The following NUP62CL variants were observed in gnomAD, a reference collection of about 807,000 sequenced individuals.
The protein encoded by NUP62CL is nucleoporin-62 C-terminal-like protein.
Under a neutral mutation model 15.3 loss-of-function variants are expected in NUP62CL, and 13 were observed. The ratio of observed to expected loss-of-function variants is 0.85; its 90% confidence interval spans 0.55 to 1.35. The LOEUF (loss-of-function observed/expected upper bound fraction) is 1.35. Among genes scored for constraint, NUP62CL ranks in the 40% most tolerant of loss-of-function variants. The pLI is 0.00. For missense variants in NUP62CL, 123 were observed against 130.6 expected, an observed-to-expected ratio of 0.94 and a Z score of 0.28; for synonymous variants, 54 against 49.2, an observed-to-expected ratio of 1.10 and a Z score of -0.41.
intron 4 of NUP62CL, among the ~76,000 whole-genome samples, chrX:107,167,279 T>G (rs1276930463): frequency 8.9e-6 from 1 of 111,943 alleles, no homozygotes; most frequent in Non-Finnish European, 1.9e-5. Flanking sequence ...TATATGCTCT[T>G]GTTTTCTCAC....
intron 8 of NUP62CL, among the ~76,000 whole-genome samples, chrX:107,142,812 C>T (rs761805275): frequency 8.9e-6 from 1 of 111,906 alleles, no homozygotes; most frequent in East Asian, 2.8e-4. Flanking sequence ...CAATGACTAC[C>T]AACTCAGAAG....
intron 2 of NUP62CL, among the ~76,000 whole-genome samples, chrX:107,187,644 C>G (rs1356302914): frequency 8.9e-6 from 1 of 112,628 alleles, no homozygotes; most frequent in Non-Finnish European, 1.9e-5. Context: ...GTGATCCGCC[C>G]GCCTAGGCCT....
chrX:107,153,944 G>C lies in NUP62CL; in HGVS notation c.345+152C>G, dbSNP rs763345270. ...GCTGTAATTGCACCACTGTGCTCCAGCCTAGGTGATAGAGCAAGACCCTGT... is the reference window on the plus strand; with the variant it reads ...GCTGTAATTGCACCACTGTGCTCCACCCTAGGTGATAGAGCAAGACCCTGT... On this transcript the variant is annotated intron_variant, in intron 5 of 8. Coordinates refer to ENST00000372466, the MANE Select transcript of NUP62CL (RefSeq NM_017681.3). The C allele has an allele frequency of 1.3e-5, 6 of 476,730 alleles. No homozygotes were observed. The East Asian group carries it at 1.9e-4, about 15-fold the overall frequency. 39.3% of individuals were successfully genotyped at this position (476,730 alleles called of 1,213,427 possible).
At position 107,170,156 on chromosome X, in the gene NUP62CL, GA is replaced by G. The variant is rs369898411; in HGVS notation, c.59-2373del. ...TGTCTCAAAAAAAATAAAAGAAAAA[GA>G]AAAAAAAAAAAGATGTGTACTTAAG... On this transcript the variant is annotated intron_variant, in intron 3 of 8. Transcript: ENST00000372466. Among the ~76,000 whole-genome samples the G allele has an allele frequency of 8.7e-3, 727 of 83,359 alleles. 6 individuals carry two copies. Among genetic ancestry groups the G allele is most frequent in the African/African-American group, 0.028 (652 of 23,423 alleles). The allele number at this position is 83,359 out of a possible 115,157, so 72.4% of individuals were successfully genotyped here. A position where few individuals can be genotyped will look rare whatever the true frequency, so the allele number is the denominator to read the frequency against.
chrX:107,204,421 C>A (rs1017700362), intron 1 of NUP62CL, among the ~76,000 whole-genome samples: 5 of 111,172 alleles, frequency 4.5e-5, no homozygotes, highest in African/African-American at 1.6e-4. Flanking sequence ...ACCCATCCCC[C>A]ACCCCGCTAC....
intron 8 of NUP62CL, among the ~76,000 whole-genome samples, chrX:107,141,810 C>T (rs866590822): frequency 9.1e-6 from 1 of 110,492 alleles, no homozygotes; most frequent in South Asian, 3.9e-4. Flanking sequence ...TTGTAATCCT[C>T]ACACTTTGGG....
At chrX:107,183,400 C>A (rs1193301085) in intron 2 of NUP62CL, among the ~76,000 whole-genome samples, 1 of 110,367 alleles carries the variant, frequency 9.1e-6, no homozygotes, top group African/African-American at 3.3e-5. Context: ...AGTTCAAAAC[C>A]AGCCTGAGCA....
intron 1 of NUP62CL, among the ~76,000 whole-genome samples, chrX:107,203,658 C>T (rs921635985): frequency 9.1e-6 from 1 of 110,272 alleles, no homozygotes; most frequent in African/African-American, 3.3e-5. Flanking sequence ...GTTAATAATG[C>T]AAAATATAAA....
chrX:107,137,779 C>T lies in NUP62CL; in HGVS notation c.*42+9964G>A, dbSNP rs1056210387. ...TGTTCATAGATGGGAAGACTCAACACAGTAAAGATGTTAATTCTCCCCAAA... is the reference window on the plus strand; with the variant it reads ...TGTTCATAGATGGGAAGACTCAACATAGTAAAGATGTTAATTCTCCCCAAA... On this transcript the variant is annotated intron_variant, in intron 8 of 8. Transcript: ENST00000372466. Among the ~76,000 whole-genome samples the T allele has an allele frequency of 2.7e-5, 3 of 111,906 alleles. No individual in the cohort carries two copies. In the Admixed American group the frequency reaches 2.8e-4, roughly 11 times the overall value.
At chrX:107,150,465 C>T (rs940208401) in intron 7 of NUP62CL, among the ~76,000 whole-genome samples, 24 of 111,520 alleles carry the variant, frequency 2.2e-4, no homozygotes, top group African/African-American at 5.9e-4. Flanking sequence ...CTATAGAAGA[C>T]GGAAAAAAGG....
In NUP62CL at chrX:107,157,839, G is replaced by A. The variant is rs759374888; in HGVS notation, c.195-3593C>T. ...ATTAAAAGACACAGACTGGCAAATT[G>A]GATAAAGAGTCAAGACCCATCAGTG... On this transcript the variant is annotated intron_variant, in intron 4 of 8. Coordinates refer to ENST00000372466, the MANE Select transcript of NUP62CL (RefSeq NM_017681.3). Among the ~76,000 whole-genome samples, 5 of 111,076 alleles carry A rather than the reference G, an allele frequency of 4.5e-5. No homozygotes were observed. In the South Asian group the frequency reaches 1.9e-3, roughly 43 times the overall value.
At chrX:107,189,824 A>G (rs866449522) in intron 2 of NUP62CL, among the ~76,000 whole-genome samples, 4 of 45,437 alleles carry the variant, frequency 8.8e-5, no homozygotes, top group Middle Eastern at 7.8e-3. Context: ...GAAAGAAAGA[A>G]GGAGGGAAGG....
intron 1 of NUP62CL, among the ~76,000 whole-genome samples, chrX:107,202,974 CAA>C (rs1172117650): frequency 5.3e-4 from 29 of 54,230 alleles, no homozygotes; most frequent in East Asian, 4.6e-3. Flanking sequence ...CAGACCGTCT[CAA>C]AAAAAAAAAA....
chrX:107,145,780 G>A (rs946334470), intron 8 of NUP62CL, among the ~76,000 whole-genome samples: 1 of 111,394 alleles, frequency 9.0e-6, no homozygotes, highest in African/African-American at 3.3e-5. Context: ...TGAATGTTAT[G>A]CCTTTTTTAA....
chrX:107,163,014 C>G (rs899864578), intron 4 of NUP62CL, among the ~76,000 whole-genome samples: 2 of 111,976 alleles, frequency 1.8e-5, no homozygotes, highest in Non-Finnish European at 3.8e-5. Context: ...CGGTTCCTAA[C>G]AGGCTACAGA....
intron 7 of NUP62CL, among the ~76,000 whole-genome samples, chrX:107,151,515 CCACACACACA>C (rs59950269): frequency 4.1e-5 from 4 of 98,749 alleles, no homozygotes; most frequent in African/African-American, 1.1e-4. Flanking sequence ...TCCACCCAAA[CCACACACACA>C]CACACACACA....
At chrX:107,186,314 C>A (rs1454363632) in intron 2 of NUP62CL, among the ~76,000 whole-genome samples, 1 of 111,475 alleles carries the variant, frequency 9.0e-6, no homozygotes, top group African/African-American at 3.3e-5. Flanking sequence ...ATATATTAAA[C>A]ATAATGTTAT....
Position 107,123,743 on chromosome X carries a change from T to C in NUP62CL, c.*632A>G, listed in dbSNP as rs1925318290. 1 of 111,953 alleles carries C rather than the reference T, an allele frequency of 8.9e-6. No individual in the cohort carries two copies. The highest frequency in any genetic ancestry group is 3.7e-4 in the South Asian group (1 of 2,709). 9.2% of individuals were successfully genotyped at this position (111,953 alleles called of 1,213,427 possible). A position where few individuals can be genotyped will look rare whatever the true frequency, so the allele number is the denominator to read the frequency against. ...CTTTAATAATAATCTACCCTAACTT[T>C]TCCTCCCTGCTCTGAATCTCTATAA... On this transcript the variant is annotated 3_prime_UTR_variant, in exon 9 of 9. Transcript: ENST00000372466.
intron 8 of NUP62CL, among the ~76,000 whole-genome samples, chrX:107,134,009 C>G (rs1370967736): frequency 8.9e-6 from 1 of 112,295 alleles, no homozygotes; most frequent in Non-Finnish European, 1.9e-5. Context: ...TTAACATACA[C>G]AGGCATAATA....
Sources: gnomAD v4.1 joint callset for allele counts (sites outside exome capture counted in the v4.1 genomes callset) on GRCh38, gnomAD v4.1.1 for gene constraint, MANE v1.5 for transcripts, NCBI Gene and HGNC (gene_info 2026-07-23, HGNC 2026-07-21) for gene names.